KCNMA1: variants seen among roughly 807,000 people sequenced by gnomAD.
KCNMA1 encodes the protein potassium calcium-activated channel subfamily M alpha 1.
KCNMA1 carries 29 observed loss-of-function variants against 140.0 expected under a neutral mutation model. The observed-to-expected ratio is 0.21, with a 90% CI of 0.15 to 0.28. The LOEUF is 0.28. KCNMA1 is among the 10% of genes least tolerant of loss of function. The probability of loss-of-function intolerance (pLI) is 1.00; values close to 1 mark genes in which losing one functional copy is unlikely to be tolerated. For synonymous variants in KCNMA1, 612 were observed against 611.9 expected (o/e 1.00, Z 0.00); for missense variants, 880 against 1,602.2 (o/e 0.55, Z 7.70).
chr10:77,011,695 GAC>G (rs1292816181), intron 18 of KCNMA1, among the ~76,000 whole-genome samples: 1 of 152,114 alleles, frequency 6.6e-6, no homozygotes, highest in Non-Finnish European at 1.5e-5. Flanking sequence ...TGTTAGACTG[GAC>G]ACATCTACTG....
intron 3 of KCNMA1, among the ~76,000 whole-genome samples, chr10:77,208,979 C>A (rs907859836): frequency 2.0e-5 from 3 of 152,156 alleles, no homozygotes; most frequent in African/African-American, 7.2e-5. Context: ...TGGGTAATTT[C>A]TCCTAAGTAT....
intron 1 of KCNMA1, among the ~76,000 whole-genome samples, chr10:77,422,864 G>C (rs1361078025): frequency 1.3e-5 from 2 of 152,224 alleles, no homozygotes; most frequent in Admixed American, 1.3e-4. Flanking sequence ...GCTTCAGAGG[G>C]AGGCTGGCCC....
At chr10:77,004,257 T>C (rs1489023477) in intron 18 of KCNMA1, among the ~76,000 whole-genome samples, 1 of 104,312 alleles carries the variant, frequency 9.6e-6, no homozygotes, top group African/African-American at 4.2e-5. Context: ...ACACACAAAA[T>C]CAGCAAGAAC....
At chr10:77,543,761 T>G (rs2154555527) in intron 1 of KCNMA1, among the ~76,000 whole-genome samples, 1 of 152,294 alleles carries the variant, frequency 6.6e-6, no homozygotes, top group Middle Eastern at 3.4e-3. Flanking sequence ...ACTCAGGGAC[T>G]TGTTAGATAT....
At chr10:77,072,987 C>T (rs1425642259) in intron 14 of KCNMA1, 110 bp downstream of exon 14, 9 of 1,029,254 alleles carry the variant, frequency 8.7e-6, no homozygotes, top group Middle Eastern at 2.9e-4. Flanking sequence ...TCTCCTTAAC[C>T]CAAGTGGTTA....
At chr10:77,483,181 C>T (rs528482881) in intron 1 of KCNMA1, among the ~76,000 whole-genome samples, 10 of 152,280 alleles carry the variant, frequency 6.6e-5, no homozygotes, top group South Asian at 6.2e-4. Flanking sequence ...CAGCAGCCCA[C>T]GGAGATTTCT....
At chr10:77,090,799 TAA>T in intron 9 of KCNMA1, 2 of 498,914 alleles carry the variant, frequency 4.0e-6, no homozygotes, top group Non-Finnish European at 7.3e-6. Flanking sequence ...CATTTAACAA[TAA>T]GTGACATTAT....
chr10:77,026,178 T>G (rs901545590), intron 16 of KCNMA1, among the ~76,000 whole-genome samples: 2 of 152,088 alleles, frequency 1.3e-5, no homozygotes, highest in African/African-American at 4.8e-5. Flanking sequence ...TTAACAGCCT[T>G]TCGCTCTTTT....
intron 23 of KCNMA1, among the ~76,000 whole-genome samples, chr10:76,934,934 T>A (rs934584486): frequency 6.6e-6 from 1 of 152,174 alleles, no homozygotes; most frequent in Non-Finnish European, 1.5e-5. Context: ...TATTTAAGTG[T>A]CTTCACAAAG....
At chr10:77,455,531 T>C (rs759406393) in intron 1 of KCNMA1, among the ~76,000 whole-genome samples, 7 of 152,220 alleles carry the variant, frequency 4.6e-5, no homozygotes, top group African/African-American at 7.2e-5. Context: ...TAGGCTCCTA[T>C]GAAATGTAGG....
At chr10:77,129,273 T>A (rs138636791) in intron 5 of KCNMA1, among the ~76,000 whole-genome samples, 1 of 152,236 alleles carries the variant, frequency 6.6e-6, no homozygotes, top group Non-Finnish European at 1.5e-5. Flanking sequence ...AGCCAGATGA[T>A]GGATGAGGAT....
At chr10:77,433,972 G>A (rs990061864) in intron 1 of KCNMA1, among the ~76,000 whole-genome samples, 1 of 152,188 alleles carries the variant, frequency 6.6e-6, no homozygotes, top group African/African-American at 2.4e-5. Flanking sequence ...TCAAGCCACA[G>A]CCAAATACAG....
At position 76,910,656 on chromosome 10, in the gene KCNMA1, A is replaced by G. The variant is rs183848467; in HGVS notation, c.3017-560T>C. ...GGTCCCAGGCCCTAAATCTAGGTCC[A>G]CACCCAATAGGCCCTGTTTAATACA... On this transcript the variant is annotated intron_variant, in intron 24 of 27. Coordinates refer to ENST00000286628, the MANE Select transcript of KCNMA1 (RefSeq NM_001161352.2). 5 of 196,134 alleles carry G rather than the reference A, an allele frequency of 2.5e-5. No individual in the cohort carries two copies. In the East Asian group the frequency reaches 5.9e-4, roughly 23 times the overall value. 12.1% of individuals were successfully genotyped at this position (196,134 alleles called of 1,614,324 possible).
At chr10:77,546,413 A>G (rs1286768825) in intron 1 of KCNMA1, among the ~76,000 whole-genome samples, 1 of 150,870 alleles carries the variant, frequency 6.6e-6, no homozygotes, top group African/African-American at 2.4e-5. Flanking sequence ...CAGAACCACC[A>G]CCCAGCACAG....
intron 3 of KCNMA1, among the ~76,000 whole-genome samples, chr10:77,215,132 C>A (rs1483083431): frequency 6.6e-6 from 1 of 152,146 alleles, no homozygotes; most frequent in Non-Finnish European, 1.5e-5. Flanking sequence ...GCAGCCCCTC[C>A]CTTCCCAGTA....
At chr10:77,214,990 TTC>T (rs2047250826) in intron 3 of KCNMA1, among the ~76,000 whole-genome samples, 1 of 152,216 alleles carries the variant, frequency 6.6e-6, no homozygotes, top group Admixed American at 6.5e-5. Context: ...GATTCCTCTC[TTC>T]TGAGTTCTGG....
chr10:77,363,117 A>ATTT (rs757624721), intron 2 of KCNMA1, among the ~76,000 whole-genome samples: 22 of 61,230 alleles, frequency 3.6e-4, no homozygotes, highest in Non-Finnish European at 5.0e-4. Context: ...AAGAATTATT[A>ATTT]TTATTTTTTT....
At chr10:77,425,803 A>T (rs2096974803) in intron 1 of KCNMA1, among the ~76,000 whole-genome samples, 1 of 152,212 alleles carries the variant, frequency 6.6e-6, no homozygotes, top group Non-Finnish European at 1.5e-5. Context: ...TAGGTGACAC[A>T]TCCTGCTTAG....
At chr10:76,964,239 T>C (rs1402836468) in intron 20 of KCNMA1, among the ~76,000 whole-genome samples, 3 of 151,918 alleles carry the variant, frequency 2.0e-5, no homozygotes, top group Non-Finnish European at 2.9e-5. Flanking sequence ...AGAACTAGGG[T>C]CCTTTTCAAT....
Sources: gnomAD v4.1 joint callset for allele counts (sites outside exome capture counted in the v4.1 genomes callset) on GRCh38, gnomAD v4.1.1 for gene constraint, MANE v1.5 for transcripts, NCBI Gene and HGNC (gene_info 2026-07-23, HGNC 2026-07-21) for gene names.